The following FGD4 variants were observed in gnomAD, a reference collection of about 807,000 sequenced individuals.
The protein encoded by FGD4 is FYVE, RhoGEF and PH domain containing 4.
FGD4 carries 42 observed loss-of-function variants against 102.0 expected under a neutral mutation model. That is an observed-to-expected ratio of 0.41 (90% CI 0.32 to 0.53). The LOEUF (loss-of-function observed/expected upper bound fraction) is 0.53, where lower values mean the gene tolerates loss of function less well. FGD4 is among the 20% of genes least tolerant of loss of function. The probability of loss-of-function intolerance (pLI) is 0.21; values close to 1 mark genes in which losing one functional copy is unlikely to be tolerated. For missense variants in FGD4, 902 were observed against 1,078.2 expected (o/e 0.84, Z 2.29); for synonymous variants, 380 against 375.7 (o/e 1.01, Z -0.13).
At chr12:32,453,186 A>T (rs1288914074) in intron 1 of FGD4, among the ~76,000 whole-genome samples, 6 of 92,376 alleles carry the variant, frequency 6.5e-5, no homozygotes, top group South Asian at 3.8e-4. Flanking sequence ...TTATATATAT[A>T]TTTTATATAT....
intron 5 of FGD4, among the ~76,000 whole-genome samples, chr12:32,598,970 A>G (rs1948127216): frequency 6.6e-6 from 1 of 152,202 alleles, no homozygotes. Flanking sequence ...CTCATTTGCT[A>G]TCTAGCATTA....
chr12:32,542,732 A>G lies in FGD4; in HGVS notation c.167-21405A>G, dbSNP rs192098853. Among the ~76,000 whole-genome samples, 10 of 152,336 alleles carry G rather than the reference A, an allele frequency of 6.6e-5. No individual in the cohort carries two copies. The East Asian group carries it at 1.3e-3, about 21-fold the overall frequency. ...ATTTCTTTCACACTTTATGAAGTCA[A>G]TAAAAATTTTGATTTCATTGTTACA... On this transcript the variant is annotated intron_variant, in intron 1 of 16. Coordinates refer to ENST00000534526, the MANE Select transcript of FGD4 (RefSeq NM_001370298.3).
intron 4 of FGD4, among the ~76,000 whole-genome samples, chr12:32,594,647 A>G (rs1207796204): frequency 6.6e-6 from 1 of 152,174 alleles, no homozygotes; most frequent in African/African-American, 2.4e-5. Flanking sequence ...GGGTTACATT[A>G]TCACATGCAT....
intron 1 of FGD4, among the ~76,000 whole-genome samples, chr12:32,529,642 A>G (rs1941600475): frequency 6.6e-6 from 1 of 151,398 alleles, no homozygotes; most frequent in South Asian, 2.1e-4. Flanking sequence ...CAGGAGCTCG[A>G]GACCAGCCTG....
chr12:32,428,476 T>C (rs192524397), intron 1 of FGD4, among the ~76,000 whole-genome samples: 2 of 152,294 alleles, frequency 1.3e-5, no homozygotes, highest in East Asian at 3.9e-4. Context: ...ACCCAACCTT[T>C]CTTTCTGTCT....
At chr12:32,627,084 G>A (rs1950219594) in intron 14 of FGD4, among the ~76,000 whole-genome samples, 1 of 151,976 alleles carries the variant, frequency 6.6e-6, no homozygotes, top group African/African-American at 2.4e-5. Context: ...CCGACCTCAG[G>A]TGATCCGCCC....
At position 32,645,524 on chromosome 12, in the gene FGD4, A is replaced by G. The variant is rs1239830; in HGVS notation, c.*4991A>G. On this transcript the variant is annotated 3_prime_UTR_variant, in exon 17 of 17. Transcript: ENST00000534526. ...TAAGTGTATCTGGGCCAGGCACGGTAGCCCATGCCTGTAATCCCAGCACTT... is the reference window on the plus strand; with the variant it reads ...TAAGTGTATCTGGGCCAGGCACGGTGGCCCATGCCTGTAATCCCAGCACTT... 0.99 allele frequency: 150,536 copies of G among 152,118 alleles called. 74,505 individuals carry two copies. Among genetic ancestry groups the G allele is most frequent in the Middle Eastern group, 1 (296 of 296 alleles). 9.4% of individuals were successfully genotyped at this position (152,118 alleles called of 1,614,324 possible). A position where few individuals can be genotyped will look rare whatever the true frequency, so the allele number is the denominator to read the frequency against.
intron 4 of FGD4, among the ~76,000 whole-genome samples, chr12:32,588,880 T>C (rs76570413): frequency 6.6e-6 from 1 of 151,898 alleles, no homozygotes; most frequent in South Asian, 2.1e-4. Flanking sequence ...TTTAGTTGAG[T>C]GTGAGAGAAA....
intron 10 of FGD4, among the ~76,000 whole-genome samples, chr12:32,611,491 G>A (rs1252257886): frequency 6.6e-6 from 1 of 152,174 alleles, no homozygotes; most frequent in Non-Finnish European, 1.5e-5. Context: ...TCAAGAGGAT[G>A]AGGCAGGAGA....
intron 1 of FGD4, among the ~76,000 whole-genome samples, chr12:32,521,595 T>A (rs1940562823): frequency 6.6e-6 from 1 of 152,224 alleles, no homozygotes; most frequent in African/African-American, 2.4e-5. Context: ...TTGAGTCCCA[T>A]ATGGGGCTCA....
chr12:32,416,959 C>T (rs1213743924), intron 1 of FGD4, among the ~76,000 whole-genome samples: 1 of 151,408 alleles, frequency 6.6e-6, no homozygotes, highest in African/African-American at 2.4e-5. Flanking sequence ...TGCAATGGCA[C>T]AATCTCGGCT....
At chr12:32,501,421 G>C (rs1213768366) in intron 1 of FGD4, among the ~76,000 whole-genome samples, 1 of 152,108 alleles carries the variant, frequency 6.6e-6, no homozygotes, top group Non-Finnish European at 1.5e-5. Context: ...GAGGACCAGG[G>C]TGTGGGCAAC....
chr12:32,418,434 C>G (rs1591861124), intron 1 of FGD4, among the ~76,000 whole-genome samples: 1 of 152,088 alleles, frequency 6.6e-6, no homozygotes, highest in Admixed American at 6.6e-5. Context: ...TGGGCCCAAA[C>G]TGAATAACTC....
chr12:32,413,870 C>T (rs896247861), intron 1 of FGD4, among the ~76,000 whole-genome samples: 4 of 151,884 alleles, frequency 2.6e-5, no homozygotes, highest in Non-Finnish European at 5.9e-5. Context: ...GGTCCAGTTT[C>T]TAGGTAGATG....
intron 15 of FGD4, among the ~76,000 whole-genome samples, chr12:32,637,392 C>A (rs147045040): frequency 1.3e-5 from 2 of 151,190 alleles, no homozygotes; most frequent in African/African-American, 4.9e-5. Context: ...GTCAGGAGAT[C>A]GAGACCATCC....
At chr12:32,638,869 A>C in intron 16 of FGD4, 74 bp downstream of exon 16, 1 of 1,606,770 alleles carries the variant, frequency 6.2e-7, no homozygotes, top group Non-Finnish European at 8.5e-7. Flanking sequence ...AGCGGACTCA[A>C]AATCTGTAGA....
In FGD4 at chr12:32,643,930, A is replaced by C. The variant is rs368035316; in HGVS notation, c.*3397A>C. 9.9e-5 allele frequency: 15 copies of C among 152,210 alleles called. 3 individuals are homozygous for C. The highest frequency in any genetic ancestry group is 1.3e-4 in the Admixed American group (2 of 15,288). 9.4% of individuals were successfully genotyped at this position (152,210 alleles called of 1,614,324 possible). On this transcript the variant is annotated 3_prime_UTR_variant, in exon 17 of 17. Transcript: ENST00000534526. ...TATTGTCTGTGATAAATTTCTGATG[A>C]TCTTTCTGGACTAGATACAACCTGA...
At chr12:32,558,377 G>A (rs528086021) in intron 1 of FGD4, among the ~76,000 whole-genome samples, 135 of 152,298 alleles carry the variant, frequency 8.9e-4, no homozygotes, top group South Asian at 2.9e-3. Context: ...CCCAAAGGGT[G>A]GACCCCATTG....
intron 14 of FGD4, among the ~76,000 whole-genome samples, chr12:32,627,467 A>T (rs887896495): frequency 5.3e-5 from 8 of 152,064 alleles, no homozygotes; most frequent in African/African-American, 1.9e-4. Flanking sequence ...TTTTGATGCA[A>T]TATCTGTGTG....
Sources: allele counts gnomAD v4.1 joint callset (sites outside exome capture counted in the v4.1 genomes callset), GRCh38; gene constraint gnomAD v4.1.1; transcripts MANE v1.5; gene names NCBI Gene and HGNC (gene_info 2026-07-23, HGNC 2026-07-21).